EIF2AK4: variants seen among roughly 807,000 people sequenced by gnomAD.
The protein encoded by EIF2AK4 is eukaryotic translation initiation factor 2 alpha kinase 4, also known as eIF-2-alpha kinase GCN2.
In EIF2AK4, 139 loss-of-function variants were observed where a neutral mutation model predicts 211.1. The observed-to-expected ratio is 0.66, with a 90% CI of 0.57 to 0.76. The LOEUF is 0.76. EIF2AK4 is among the 30% of genes least tolerant of loss of function. EIF2AK4 has a pLI of 0.00. For synonymous variants in EIF2AK4, 710 were observed against 751.3 expected, an observed-to-expected ratio of 0.94 and a Z score of 0.90; for missense variants, 1,664 against 2,043.8, an observed-to-expected ratio of 0.81 and a Z score of 3.58.
intron 23 of EIF2AK4, 64 bp downstream of exon 23, chr15:40,003,378 T>G (rs2035118875): frequency 1.9e-6 from 3 of 1,584,398 alleles, no homozygotes; most frequent in Non-Finnish European, 2.6e-6. Context: ...ATGGCATCTC[T>G]GTTAAAGGAT....
rs142832088 is a variant in EIF2AK4, at chr15:39,986,017, G to A, written c.2403+129G>A. ...TGCCACTACCAAAGATTAATTGGCC[G>A]AGAGGATTACCATATGGAGGCCCTT... is the stretch of plus-strand genomic sequence containing the variant. On this transcript the variant is annotated intron_variant, in intron 14 of 38. Coordinates refer to ENST00000263791, the MANE Select transcript of EIF2AK4 (RefSeq NM_001013703.4). The A allele has an allele frequency of 5.3e-4, 412 of 773,212 alleles. 1 individual carries two copies. In the African/African-American group the frequency reaches 6.6e-3, roughly 12 times the overall value. 47.9% of individuals were successfully genotyped at this position (773,212 alleles called of 1,614,324 possible).
intron 35 of EIF2AK4, 149 bp downstream of exon 35, chr15:40,030,605 G>A: frequency 1.3e-6 from 1 of 761,736 alleles, no homozygotes; most frequent in South Asian, 1.9e-5. Context: ...CTAACTGGGT[G>A]GCTTCTGGCT....
intron 1 of EIF2AK4, among the ~76,000 whole-genome samples, chr15:39,937,866 C>T (rs964758581): frequency 5.9e-5 from 9 of 152,214 alleles, no homozygotes; most frequent in African/African-American, 2.2e-4. Context: ...GCCATTCCTA[C>T]AAGCCCAGTG....
In EIF2AK4 at chr15:40,035,417, T is replaced by G; in HGVS notation, c.*333T>G. The G allele has an allele frequency of 5.8e-6, 1 of 172,522 alleles. No individual in the cohort carries two copies. Among genetic ancestry groups the G allele is most frequent in the Non-Finnish European group, 1.2e-5 (1 of 82,902 alleles). 10.7% of individuals were successfully genotyped at this position (172,522 alleles called of 1,614,324 possible). A position where few individuals can be genotyped will look rare whatever the true frequency, so the allele number is the denominator to read the frequency against. ...AGGAGGTTGAGGCTGCAGTGAGCTGTGACTGCGCCACTGCACTCCAGTCTG... is the reference window on the plus strand; with the variant it reads ...AGGAGGTTGAGGCTGCAGTGAGCTGGGACTGCGCCACTGCACTCCAGTCTG... On this transcript the variant is annotated 3_prime_UTR_variant, in exon 39 of 39. Coordinates refer to ENST00000263791, the MANE Select transcript of EIF2AK4 (RefSeq NM_001013703.4).
intron 3 of EIF2AK4, among the ~76,000 whole-genome samples, chr15:39,944,331 C>T (rs1268685621): frequency 1.3e-5 from 2 of 152,142 alleles, no homozygotes; most frequent in Non-Finnish European, 2.9e-5. Flanking sequence ...ACTGTGCTTT[C>T]CTTAGGCCAG....
At chr15:39,962,360 AC>A (rs2140910091) in intron 7 of EIF2AK4, among the ~76,000 whole-genome samples, 1 of 152,370 alleles carries the variant, frequency 6.6e-6, no homozygotes, top group East Asian at 1.9e-4. Context: ...GCTTATTGAA[AC>A]AAAAAAATGA....
Position 39,992,759 on chromosome 15 carries a change from C to T in EIF2AK4, c.2687-10C>T. ...ATTGGGACGTTTTCCCTCTGTTTTC[C>T]TCCACACAGGTCACTTAACTGGGAT... On this transcript the variant is annotated splice_polypyrimidine_tract_variant and intron_variant, in intron 17 of 38. Coordinates refer to ENST00000263791, the MANE Select transcript of EIF2AK4 (RefSeq NM_001013703.4). 6.2e-7 allele frequency: 1 copy of T among 1,613,648 alleles called. No individual in the cohort carries two copies. Among genetic ancestry groups the T allele is most frequent in the Non-Finnish European group, 8.5e-7 (1 of 1,179,602 alleles).
chr15:39,934,226 G>C lies in EIF2AK4; in HGVS notation c.31G>C (p.Gly11Arg), dbSNP rs766830247. 1.9e-6 allele frequency: 3 copies of C among 1,596,164 alleles called. No homozygotes were observed. The highest frequency in any genetic ancestry group is 3.4e-5 in the Admixed American group (2 of 58,180). The change falls in exon 1 of 39, where the codon GGC becomes CGC. Residue 11 changes from glycine to arginine, a missense_variant. This residue lies in a region of EIF2AK4 where 641 missense variants were observed against 729.6 expected (regional missense o/e 0.88). Transcript: ENST00000263791. ...TGGGGGCCGTGGGGCCCCCGGGCGC[G>C]GCCGGGACGAGCCTCCGGAGAGCTA... MAGGRGAPGR[G>R]RDEPPESYPQ...
chr15:39,943,351 CTT>C lies in EIF2AK4; in HGVS notation c.258-13_258-12del, dbSNP rs5812147. On this transcript the variant is annotated intron_variant, in intron 2 of 38. Coordinates refer to ENST00000263791, the MANE Select transcript of EIF2AK4 (RefSeq NM_001013703.4). ...ACAGGCTATACTTTCTGGAGTAACT[CTT>C]TTTTTTTTTTTTTTTTTTGCCTTTT... 0.098 allele frequency: 81,532 copies of C among 835,466 alleles called. No individual in the cohort carries two copies. Among genetic ancestry groups the C allele is most frequent in the East Asian group, 0.11 (3,072 of 26,826 alleles). The allele number at this position is 835,466 out of a possible 1,614,324, so 51.8% of individuals were successfully genotyped here.
At chr15:40,030,844 G>A (rs1401650523) in intron 35 of EIF2AK4, among the ~76,000 whole-genome samples, 3 of 152,222 alleles carry the variant, frequency 2.0e-5, no homozygotes, top group African/African-American at 7.2e-5. Flanking sequence ...GCCTACTGGT[G>A]TGCTAAGGGC....
At chr15:40,003,134 G>C in intron 22 of EIF2AK4, 59 bp from the exon 23 acceptor site, 3 of 1,590,514 alleles carry the variant, frequency 1.9e-6, no homozygotes. Flanking sequence ...TTAATTTTAG[G>C]TTGCCTTCTA....
At chr15:39,945,413 A>C (rs529663304) in intron 3 of EIF2AK4, among the ~76,000 whole-genome samples, 1 of 152,358 alleles carries the variant, frequency 6.6e-6, no homozygotes, top group South Asian at 2.1e-4. Flanking sequence ...CATAATCTGG[A>C]TCAAGGCCCT....
At chr15:39,958,024 T>G (rs2034415212) in intron 6 of EIF2AK4, among the ~76,000 whole-genome samples, 1 of 152,244 alleles carries the variant, frequency 6.6e-6, no homozygotes, top group African/African-American at 2.4e-5. Flanking sequence ...TTTTCTGTGC[T>G]TCAAGTCTTC....
intron 26 of EIF2AK4, among the ~76,000 whole-genome samples, chr15:40,011,054 C>T (rs553611841): frequency 6.6e-6 from 1 of 152,258 alleles, no homozygotes; most frequent in South Asian, 2.1e-4. Context: ...ACAACTTTCC[C>T]CTTTTAATTC....
intron 2 of EIF2AK4, among the ~76,000 whole-genome samples, chr15:39,943,083 G>A (rs1291597321): frequency 1.3e-5 from 2 of 151,810 alleles, no homozygotes; most frequent in African/African-American, 4.8e-5. Flanking sequence ...AGGTCAAATC[G>A]TAGGAAATAA....
chr15:40,011,613 CTT>C (rs962478304), intron 27 of EIF2AK4, among the ~76,000 whole-genome samples: 2 of 152,184 alleles, frequency 1.3e-5, no homozygotes, highest in African/African-American at 4.8e-5. Flanking sequence ...AGATACTTTT[CTT>C]TGTCACCCCT....
intron 14 of EIF2AK4, among the ~76,000 whole-genome samples, chr15:39,987,231 A>G (rs2034878177): frequency 6.6e-6 from 1 of 152,252 alleles, no homozygotes. Context: ...TCCGACATGC[A>G]TCAGGATCAC....
rs2034177384 is a variant in EIF2AK4 at position 39,943,428 on chromosome 15, A to T, written c.303A>T (p.Glu101Asp). ...AAAATGCCAAAGGTCTATCAAATGA[A>T]AGTGTCAATTTGTTAAAATCTCGCC... ...ELKNAKGLSN[E>D]SVNLLKSRLE... Residue 101 changes from glutamate to aspartate, a missense_variant, in exon 3 of 39, where the codon GAA becomes GAT. Physicochemically the swap from Glu to Asp is conservative, Grantham distance 45. Around this residue, in one of 7 missense-constraint regions of EIF2AK4, gnomAD observed 641 missense variants for 729.6 expected, o/e 0.88. Transcript: ENST00000263791. The T allele has an allele frequency of 6.3e-7, 1 of 1,584,254 alleles. No homozygotes were observed.
intron 35 of EIF2AK4, among the ~76,000 whole-genome samples, chr15:40,031,221 C>A (rs1460324893): frequency 1.3e-5 from 2 of 152,174 alleles, no homozygotes; most frequent in Non-Finnish European, 2.9e-5. Context: ...GCCTGGGCAA[C>A]AGAGCAAGAC....
Sources: allele counts gnomAD v4.1 joint callset (sites outside exome capture counted in the v4.1 genomes callset), GRCh38; gene constraint gnomAD v4.1.1; regional missense constraint gnomAD v4.1.1; transcripts MANE v1.5; gene names NCBI Gene and HGNC (gene_info 2026-07-23, HGNC 2026-07-21).